Variants in ADGRG6 observed in about 807,000 individuals in gnomAD.
ADGRG6 encodes the protein adhesion G protein-coupled receptor G6.
Under a neutral mutation model 142.4 loss-of-function variants are expected in ADGRG6, and 84 were observed. That is an observed-to-expected ratio of 0.59 (90% CI 0.49 to 0.71). The LOEUF is 0.71. Ranked by LOEUF, ADGRG6 falls within the 30% of genes least tolerant of loss-of-function variation. The probability of loss-of-function intolerance (pLI) is 0.00; values close to 1 mark genes in which losing one functional copy is unlikely to be tolerated. For missense variants in ADGRG6, 1,367 were observed against 1,466.6 expected (o/e 0.93, Z 1.11); for synonymous variants, 521 against 520.5 (o/e 1.00, Z -0.01).
intron 2 of ADGRG6, among the ~76,000 whole-genome samples, chr6:142,326,268 A>C (rs2114637328): frequency 6.6e-6 from 1 of 152,104 alleles, no homozygotes; most frequent in Non-Finnish European, 1.5e-5. Context: ...ACATCAAAAC[A>C]AATTCAAAAC....
intron 2 of ADGRG6, among the ~76,000 whole-genome samples, chr6:142,350,667 A>G (rs1780129319): frequency 6.6e-6 from 1 of 152,234 alleles, no homozygotes; most frequent in South Asian, 2.1e-4. Flanking sequence ...GAAATCAGAT[A>G]TAATCTCATC....
chr6:142,337,015 C>T (rs1447412080), intron 2 of ADGRG6, among the ~76,000 whole-genome samples: 1 of 152,194 alleles, frequency 6.6e-6, no homozygotes, highest in Non-Finnish European at 1.5e-5. Flanking sequence ...CAGACTGGCA[C>T]CAGGTCTGCG....
At chr6:142,324,500 C>T (rs779512235) in intron 2 of ADGRG6, among the ~76,000 whole-genome samples, 3 of 152,114 alleles carry the variant, frequency 2.0e-5, no homozygotes, top group Non-Finnish European at 4.4e-5. Context: ...CTCCATTCTC[C>T]GTCATTGCTG....
chr6:142,305,123 A>G (rs1318382357), intron 1 of ADGRG6, among the ~76,000 whole-genome samples: 1 of 151,626 alleles, frequency 6.6e-6, no homozygotes, highest in African/African-American at 2.4e-5. Flanking sequence ...GAACATGACA[A>G]TCCAAATAAA....
At chr6:142,345,399 A>G (rs1779851775) in intron 2 of ADGRG6, among the ~76,000 whole-genome samples, 1 of 152,042 alleles carries the variant, frequency 6.6e-6, no homozygotes, top group Non-Finnish European at 1.5e-5. Flanking sequence ...GAAAATACTA[A>G]CCCAAAGTTT....
chr6:142,308,135 A>C (rs1335937062), intron 1 of ADGRG6, among the ~76,000 whole-genome samples: 2 of 152,006 alleles, frequency 1.3e-5, no homozygotes, highest in African/African-American at 4.8e-5. Flanking sequence ...GAATGATAGT[A>C]ATCATAATAA....
chr6:142,429,849 C>G (rs948123159), intron 22 of ADGRG6, among the ~76,000 whole-genome samples: 1 of 152,032 alleles, frequency 6.6e-6, no homozygotes, highest in Non-Finnish European at 1.5e-5. Flanking sequence ...ACCAGGAGTT[C>G]AAGACCATCA....
intron 2 of ADGRG6, among the ~76,000 whole-genome samples, chr6:142,351,332 G>A (rs1194690720): frequency 2.0e-5 from 3 of 152,126 alleles, no homozygotes; most frequent in African/African-American, 4.8e-5. Context: ...AACCAAAACA[G>A]CATGGTACTG....
chr6:142,439,562 G>T (rs1777643659), intron 24 of ADGRG6, among the ~76,000 whole-genome samples: 1 of 152,158 alleles, frequency 6.6e-6, no homozygotes, highest in Non-Finnish European at 1.5e-5. Context: ...GCCACTGCCT[G>T]GGATTCATGA....
At chr6:142,309,260 T>G (rs1337247400) in intron 1 of ADGRG6, among the ~76,000 whole-genome samples, 1 of 151,880 alleles carries the variant, frequency 6.6e-6, no homozygotes, top group African/African-American at 2.4e-5. Flanking sequence ...TTTTTTGAAT[T>G]GTCTGACTAC....
At chr6:142,383,875 A>G in intron 6 of ADGRG6, 32 bp downstream of exon 6, 1 of 1,051,586 alleles carries the variant, frequency 9.5e-7, no homozygotes, top group Non-Finnish European at 1.5e-6. Flanking sequence ...TATTTTTAGT[A>G]TGTCTAACAT....
intron 2 of ADGRG6, among the ~76,000 whole-genome samples, chr6:142,361,808 GT>G (rs113523803): frequency 0.073 from 10,574 of 144,388 alleles, 506 homozygotes; most frequent in African/African-American, 0.14. Flanking sequence ...CCTTTAGATT[GT>G]TTTTTTTTTT....
rs777312705 is a variant in ADGRG6, at chr6:142,402,002, A to G, written c.1688A>G (p.Asn563Ser). ...TCTATTTTGTTTCATAGTTTTTACAATGCTACCAACCCATTGGTAACCTAC... is the reference window on the plus strand; with the variant it reads ...TCTATTTTGTTTCATAGTTTTTACAGTGCTACCAACCCATTGGTAACCTAC... The part of the protein sequence containing the change: ...GFSASRICFY[N>S]ATNPLVTYWG... The change falls in exon 12 of 25, where the codon AAT becomes AGT. Residue 563 changes from asparagine to serine, a missense_variant. By Grantham distance (46) the Asn-to-Ser change is conservative. Around this residue, in one of 3 missense-constraint regions of ADGRG6, gnomAD observed 737 missense variants for 746.5 expected, o/e 0.99. Transcript: ENST00000367609. 2 of 1,495,056 alleles carry G rather than the reference A, an allele frequency of 1.3e-6. No individual in the cohort carries two copies. The highest frequency in any genetic ancestry group is 1.2e-5 in the South Asian group (1 of 84,184). 92.6% of individuals were successfully genotyped at this position (1,495,056 alleles called of 1,614,324 possible).
chr6:142,311,775 T>A (rs1777781261), intron 2 of ADGRG6, among the ~76,000 whole-genome samples: 1 of 151,972 alleles, frequency 6.6e-6, no homozygotes, highest in Non-Finnish European at 1.5e-5. Flanking sequence ...GAGCCATCTC[T>A]TGAGTTGCTG....
intron 20 of ADGRG6, 155 bp from the exon 21 acceptor site, chr6:142,417,118 G>C (rs762326669): frequency 5.8e-6 from 4 of 685,264 alleles, no homozygotes; most frequent in Non-Finnish European, 8.1e-6. Context: ...TGTTAACCAA[G>C]TTGCCATTTC....
Position 142,437,438 on chromosome 6 carries a change from A to AT in ADGRG6, c.3327dup (p.Ile1110TyrfsTer24). 2.7e-6 allele frequency: 4 copies of AT among 1,459,140 alleles called. No individual in the cohort carries two copies. The highest frequency in any genetic ancestry group is 3.8e-6 in the Non-Finnish European group (4 of 1,041,534). 90.4% of individuals were successfully genotyped at this position (1,459,140 alleles called of 1,614,324 possible). On this transcript the variant is annotated frameshift_variant, in exon 23 of 25. Transcript: ENST00000367609. LOFTEE classifies it high-confidence loss of function. ...TTATATTTTCTTTTGTCACAGGCTTATTTATATTCATCTTCCACTGTGCTA... is the reference window on the plus strand; with the variant it reads ...TTATATTTTCTTTTGTCACAGGCTTATTTTATATTCATCTTCCACTGTGCTA...
chr6:142,429,980 G>C (rs1208118534), intron 22 of ADGRG6, among the ~76,000 whole-genome samples: 1 of 152,152 alleles, frequency 6.6e-6, no homozygotes, highest in Non-Finnish European at 1.5e-5. Flanking sequence ...GAGCCCAGAA[G>C]TTCAAGGTTA....
chr6:142,440,759 T>C (rs1172296649), intron 24 of ADGRG6: 3 of 557,784 alleles, frequency 5.4e-6, no homozygotes, highest in Non-Finnish European at 9.6e-6. Context: ...TGACTTCACA[T>C]AGGCTTTGGC....
intron 4 of ADGRG6, among the ~76,000 whole-genome samples, chr6:142,379,981 G>C (rs1255459080): frequency 6.6e-6 from 1 of 152,160 alleles, no homozygotes; most frequent in Non-Finnish European, 1.5e-5. Flanking sequence ...ATACATGTAA[G>C]ATTTACATTG....
Sources: allele counts gnomAD v4.1 joint callset (sites outside exome capture counted in the v4.1 genomes callset), GRCh38; gene constraint gnomAD v4.1.1; regional missense constraint gnomAD v4.1.1; transcripts MANE v1.5; gene names NCBI Gene and HGNC (gene_info 2026-07-23, HGNC 2026-07-21).